SNTG2: variants seen among roughly 807,000 people sequenced by gnomAD.
SNTG2 encodes gamma-2-syntrophin.
A neutral mutation model predicts 70.9 loss-of-function variants in SNTG2; 74 were observed. That is an observed-to-expected ratio of 1.04 (90% confidence interval 0.86 to 1.27). SNTG2 has a LOEUF of 1.27. SNTG2 is among the 50% of genes most tolerant of loss of function. The pLI, the probability that SNTG2 is intolerant of heterozygous loss-of-function variation, is 0.00. For synonymous variants in SNTG2, 278 were observed against 273.8 expected (o/e 1.02, Z -0.15); for missense variants, 717 against 690.7 (o/e 1.04, Z -0.43).
intron 7 of SNTG2, among the ~76,000 whole-genome samples, chr2:1,172,129 T>C (rs4346415): frequency 0.32 from 47,911 of 152,052 alleles, 8,135 homozygotes; most frequent in East Asian, 0.65. Context: ...AACAGCACCA[T>C]GTGGTTGTGA....
chr2:1,155,645 C>T (rs1213986989), intron 6 of SNTG2, among the ~76,000 whole-genome samples: 2 of 152,146 alleles, frequency 1.3e-5, no homozygotes, highest in African/African-American at 2.4e-5. Context: ...GTGAGAGAGA[C>T]GGCCACCTGC....
In SNTG2 at chr2:977,978, C is replaced by T. The variant is rs1004462950; in HGVS notation, c.72+26910C>T. ...TGTCATTATCTGTAACATCAGCCTA[C>T]GTATTGATTTCATGAAGGTTATCAA... On this transcript the variant is annotated intron_variant, in intron 1 of 16. Transcript: ENST00000308624. Among the ~76,000 whole-genome samples the T allele has an allele frequency of 3.9e-5, 6 of 152,320 alleles. No homozygotes were observed. The East Asian group carries it at 7.7e-4, about 20-fold the overall frequency.
intron 4 of SNTG2, among the ~76,000 whole-genome samples, chr2:1,105,893 G>A (rs1666092839): frequency 6.6e-6 from 1 of 152,234 alleles, no homozygotes; most frequent in South Asian, 2.1e-4. Context: ...TCCCCCGCGT[G>A]TCACAGCCAG....
chr2:1,281,495 G>A (rs1369647071), intron 14 of SNTG2, among the ~76,000 whole-genome samples: 6 of 151,442 alleles, frequency 4.0e-5, no homozygotes, highest in African/African-American at 1.5e-4. Context: ...GGTGTGTGGT[G>A]TGTGTTTATG....
intron 1 of SNTG2, among the ~76,000 whole-genome samples, chr2:980,695 T>TACAC (rs10648703): frequency 0.2 from 30,296 of 149,982 alleles, 3,160 homozygotes; most frequent in Admixed American, 0.31. Context: ...TAGACACATG[T>TACAC]ACACACACAC....
At chr2:1,228,600 A>G (rs1462726576) in intron 9 of SNTG2, among the ~76,000 whole-genome samples, 1 of 152,206 alleles carries the variant, frequency 6.6e-6, no homozygotes, top group African/African-American at 2.4e-5. Flanking sequence ...CTGTGGACTA[A>G]AGGGACAGGA....
chr2:1,110,721 C>T (rs1347911911), intron 4 of SNTG2, among the ~76,000 whole-genome samples: 1 of 152,228 alleles, frequency 6.6e-6, no homozygotes, highest in African/African-American at 2.4e-5. Flanking sequence ...GTCTGCTGTG[C>T]TGCCATATCT....
chr2:1,264,183 T>G (rs1678602819), intron 13 of SNTG2, among the ~76,000 whole-genome samples: 1 of 152,240 alleles, frequency 6.6e-6, no homozygotes, highest in Non-Finnish European at 1.5e-5. Flanking sequence ...GTCTATTTCA[T>G]CATTTACTCC....
rs190937304 is a variant in SNTG2 at position 1,307,952 on chromosome 2, C to T, written c.1285-542C>T. Among the ~76,000 whole-genome samples the T allele has an allele frequency of 1.5e-3, 224 of 152,332 alleles. No individual in the cohort carries two copies. The Middle Eastern group carries it at 0.017, about 12-fold the overall frequency. ...GCGCTTCAGACTGCAGACCTTCTCG[C>T]ACCGTGTGACCGATGTAGTTTTTGT... On this transcript the variant is annotated intron_variant, in intron 14 of 16. Transcript: ENST00000308624.
intron 9 of SNTG2, among the ~76,000 whole-genome samples, chr2:1,222,165 T>TCTC (rs1675267607): frequency 7.5e-5 from 6 of 80,178 alleles, no homozygotes; most frequent in South Asian, 4.3e-4. Flanking sequence ...ATCTCTGTCT[T>TCTC]TGTCTCTCTT....
intron 9 of SNTG2, among the ~76,000 whole-genome samples, chr2:1,218,149 C>A (rs1305913129): frequency 1.3e-5 from 2 of 152,096 alleles, no homozygotes; most frequent in African/African-American, 4.8e-5. Flanking sequence ...CAGCAGGTAA[C>A]AGGTAACCCC....
intron 16 of SNTG2, among the ~76,000 whole-genome samples, chr2:1,335,672 T>C (rs1313541604): frequency 6.6e-6 from 1 of 152,232 alleles, no homozygotes; most frequent in East Asian, 1.9e-4. Context: ...AATCTAGACA[T>C]GTACTTCAGC....
chr2:1,363,797 T>A (rs1416614069), intron 16 of SNTG2, among the ~76,000 whole-genome samples: 1 of 152,258 alleles, frequency 6.6e-6, no homozygotes, highest in Non-Finnish European at 1.5e-5. Flanking sequence ...GAATTGAAGA[T>A]GTTCAGTGAA....
intron 8 of SNTG2, among the ~76,000 whole-genome samples, chr2:1,176,481 T>G (rs2147893983): frequency 7.0e-6 from 1 of 143,078 alleles, no homozygotes; most frequent in East Asian, 2.3e-4. Flanking sequence ...AAATAAAAAC[T>G]TAAACAAAAG....
In SNTG2 at chr2:1,287,207, T is replaced by C. The variant is rs75545495; in HGVS notation, c.1284+19636T>C. Among the ~76,000 whole-genome samples the C allele has an allele frequency of 1.7e-3, 258 of 152,336 alleles. 4 individuals carry two copies. The East Asian group carries it at 0.046, about 27-fold the overall frequency. On this transcript the variant is annotated intron_variant, in intron 14 of 16. Coordinates refer to ENST00000308624, the MANE Select transcript of SNTG2 (RefSeq NM_018968.4). ...AAACAATGAGTGATTGTTATCCACATTTAAGGAATGTTGGAAAGACTTAAA... is the reference window on the plus strand; with the variant it reads ...AAACAATGAGTGATTGTTATCCACACTTAAGGAATGTTGGAAAGACTTAAA...
At chr2:1,011,036 T>G (rs899701788) in intron 1 of SNTG2, among the ~76,000 whole-genome samples, 1 of 152,270 alleles carries the variant, frequency 6.6e-6, no homozygotes, top group African/African-American at 2.4e-5. Context: ...ATGGAAATGT[T>G]CCATCTCAGA....
At chr2:1,159,020 CCATATGTGTG>C (rs1275329754) in intron 6 of SNTG2, among the ~76,000 whole-genome samples, 2 of 151,908 alleles carry the variant, frequency 1.3e-5, no homozygotes, top group Admixed American at 6.6e-5. Flanking sequence ...GTGTGTGTGT[CCATATGTGTG>C]CATGTGTGTG....
chr2:1,176,880 TG>T (rs1256549275), intron 8 of SNTG2, among the ~76,000 whole-genome samples: 1 of 152,166 alleles, frequency 6.6e-6, no homozygotes, highest in Non-Finnish European at 1.5e-5. Flanking sequence ...TCACTGTTGG[TG>T]GGAATGTAAA....
intron 9 of SNTG2, among the ~76,000 whole-genome samples, chr2:1,229,863 G>A (rs574632427): frequency 3.5e-4 from 53 of 152,232 alleles, no homozygotes; most frequent in South Asian, 6.2e-4. Flanking sequence ...CTTATTGCCC[G>A]AGGCCGGCAG....
Sources: gnomAD v4.1 joint callset for allele counts (sites outside exome capture counted in the v4.1 genomes callset) on GRCh38, gnomAD v4.1.1 for gene constraint, MANE v1.5 for transcripts, NCBI Gene and HGNC (gene_info 2026-07-23, HGNC 2026-07-21) for gene names.